Variants in NAALADL2 observed in about 807,000 individuals in gnomAD.
NAALADL2 encodes the protein inactive N-acetylated-alpha-linked acidic dipeptidase-like protein 2.
Under a neutral mutation model 87.2 loss-of-function variants are expected in NAALADL2, and 76 were observed. The observed-to-expected ratio is 0.87, with a 90% CI of 0.72 to 1.05. The LOEUF (loss-of-function observed/expected upper bound fraction) is 1.05. Among genes scored for constraint, NAALADL2 ranks in the 50% least tolerant of loss-of-function variants. NAALADL2 has a pLI of 0.00. For synonymous variants in NAALADL2, 354 were observed against 331.0 expected (o/e 1.07, Z -0.75); for missense variants, 1,089 against 945.8 (o/e 1.15, Z -1.99).
intron 4 of NAALADL2, among the ~76,000 whole-genome samples, chr3:175,313,231 C>A (rs1377722228): frequency 6.6e-6 from 1 of 152,058 alleles, no homozygotes; most frequent in Non-Finnish European, 1.5e-5. Flanking sequence ...GTCCTATTTC[C>A]AAATATAGTC....
chr3:174,752,533 T>C (rs1734935277), intron 3 of NAALADL2, among the ~76,000 whole-genome samples: 1 of 152,068 alleles, frequency 6.6e-6, no homozygotes, highest in Non-Finnish European at 1.5e-5. Context: ...TTTAATCGTT[T>C]ATAATTTATT....
chr3:174,634,944 T>A lies in NAALADL2; in HGVS notation c.-115+84307T>A, dbSNP rs192187834. ...TATTGAGATTTTAATCACTGGAAAA[T>A]TTTAATTAGTAGGATTTTTAAACAG... On this transcript the variant is annotated intron_variant, in intron 2 of 3. Transcript: ENST00000434257. Among the ~76,000 whole-genome samples, 16 of 152,312 alleles carry A rather than the reference T, an allele frequency of 1.1e-4. No individual in the cohort carries two copies. The East Asian group carries it at 3.1e-3, about 29-fold the overall frequency.
intron 5 of NAALADL2, among the ~76,000 whole-genome samples, chr3:175,336,239 AC>A (rs1761956610): frequency 6.6e-6 from 1 of 152,144 alleles, no homozygotes; most frequent in Admixed American, 6.6e-5. Context: ...ACTAAGCTAC[AC>A]TACAGATTTC....
At chr3:175,500,284 T>C (rs563595810) in intron 9 of NAALADL2, among the ~76,000 whole-genome samples, 2 of 152,210 alleles carry the variant, frequency 1.3e-5, no homozygotes, top group Admixed American at 6.6e-5. Flanking sequence ...TTGCATTTAC[T>C]TTTGGCTGGA....
chr3:175,512,981 A>G (rs1426632402), intron 9 of NAALADL2, among the ~76,000 whole-genome samples: 1 of 152,158 alleles, frequency 6.6e-6, no homozygotes, highest in Non-Finnish European at 1.5e-5. Flanking sequence ...TGAAAAAAAC[A>G]TATTCAGAAG....
At chr3:174,924,397 T>A (rs956826487) in intron 1 of NAALADL2, among the ~76,000 whole-genome samples, 2 of 152,096 alleles carry the variant, frequency 1.3e-5, no homozygotes, top group Admixed American at 6.6e-5. Context: ...GAACTCATCC[T>A]TTTTTATGGC....
At chr3:175,623,869 G>GT (rs11457453) in intron 10 of NAALADL2, among the ~76,000 whole-genome samples, 6,112 of 150,816 alleles carry the variant, frequency 0.041, 362 homozygotes, top group African/African-American at 0.13. Flanking sequence ...GTTTCTTGGC[G>GT]TTTTTTTGTT....
chr3:174,921,985 AT>A (rs1002325452), intron 1 of NAALADL2, among the ~76,000 whole-genome samples: 110 of 152,082 alleles, frequency 7.2e-4, no homozygotes, highest in African/African-American at 2.6e-3. Context: ...TGAAAAAAAC[AT>A]ATGTATGAGA....
intron 1 of NAALADL2, among the ~76,000 whole-genome samples, chr3:175,052,090 A>G (rs575839374): frequency 4.3e-4 from 66 of 152,322 alleles, no homozygotes; most frequent in Non-Finnish European, 7.9e-4. Context: ...CATTGTTTCT[A>G]TAGATTATAG....
intron 1 of NAALADL2, among the ~76,000 whole-genome samples, chr3:174,880,257 A>G (rs2109693130): frequency 6.6e-6 from 1 of 152,236 alleles, no homozygotes; most frequent in South Asian, 2.1e-4. Flanking sequence ...TACTCCTGAT[A>G]GTCTCTCCCA....
intron 3 of NAALADL2, among the ~76,000 whole-genome samples, chr3:174,830,854 A>C: frequency 6.6e-6 from 1 of 151,834 alleles, no homozygotes; most frequent in East Asian, 1.9e-4. Context: ...TAGGTATTTT[A>C]TTCTCTTTGA....
chr3:175,543,186 C>G (rs866925161), intron 9 of NAALADL2, among the ~76,000 whole-genome samples: 7 of 152,080 alleles, frequency 4.6e-5, no homozygotes, highest in African/African-American at 1.4e-4. Context: ...TCCCTACTGC[C>G]TATTGATGTA....
intron 1 of NAALADL2, among the ~76,000 whole-genome samples, chr3:174,456,411 CAAAAAAAAAAAAAA>C (rs59833697): frequency 1.8e-5 from 1 of 56,396 alleles, no homozygotes. Flanking sequence ...CAATCCTAAG[CAAAAAAAAAAAAAA>C]AAAAAAAAAA....
intron 9 of NAALADL2, among the ~76,000 whole-genome samples, chr3:175,506,106 G>A (rs1185754290): frequency 1.3e-5 from 2 of 152,060 alleles, no homozygotes; most frequent in Non-Finnish European, 2.9e-5. Flanking sequence ...AAAATTATGA[G>A]CGGTAGCACT....
chr3:175,184,200 T>C (rs1455792421), intron 2 of NAALADL2, among the ~76,000 whole-genome samples: 4 of 152,132 alleles, frequency 2.6e-5, no homozygotes, highest in Non-Finnish European at 5.9e-5. Flanking sequence ...CAACGCCATC[T>C]GGAAGAATGG....
rs112860490 is a variant in NAALADL2, at chr3:174,949,674, T to A, written c.43+90224T>A. On this transcript the variant is annotated intron_variant, in intron 1 of 13. Transcript: ENST00000454872. The stretch of plus-strand genomic sequence containing the variant: ...TTGCACTATGCCCTTTACAAAGGAA[T>A]GTTAGTATAATCTTACAATTCACTG... Among the ~76,000 whole-genome samples the A allele has an allele frequency of 3.1e-3, 472 of 152,286 alleles. 2 individuals carry two copies. The highest frequency in any genetic ancestry group is 5.0e-3 in the Non-Finnish European group (341 of 68,020).
chr3:174,552,521 G>A (rs1350403222), intron 2 of NAALADL2, among the ~76,000 whole-genome samples: 3 of 152,132 alleles, frequency 2.0e-5, no homozygotes, highest in Non-Finnish European at 4.4e-5. Context: ...TAGGCCGGGT[G>A]TGGTGGCTTA....
intron 9 of NAALADL2, among the ~76,000 whole-genome samples, chr3:175,553,079 T>G (rs1714690719): frequency 6.6e-6 from 1 of 152,196 alleles, no homozygotes; most frequent in African/African-American, 2.4e-5. Context: ...GGTAGCTTGT[T>G]AAATATCCAT....
chr3:175,510,557 A>T (rs1731018650), intron 9 of NAALADL2, among the ~76,000 whole-genome samples: 2 of 152,188 alleles, frequency 1.3e-5, no homozygotes, highest in African/African-American at 4.8e-5. Flanking sequence ...TTAAAAAAAT[A>T]ACTGGTATTT....
Sources: gnomAD v4.1 joint callset for allele counts (sites outside exome capture counted in the v4.1 genomes callset) on GRCh38, gnomAD v4.1.1 for gene constraint, MANE v1.5 for transcripts, NCBI Gene and HGNC (gene_info 2026-07-23, HGNC 2026-07-21) for gene names.